The following RBM20 variants were observed in gnomAD, a reference collection of about 807,000 sequenced individuals.
RBM20 encodes the protein RNA-binding protein 20.
Under a neutral mutation model 110.1 loss-of-function variants are expected in RBM20, and 51 were observed. The observed-to-expected ratio is 0.46, with a 90% confidence interval of 0.37 to 0.59. The LOEUF (loss-of-function observed/expected upper bound fraction) is 0.59, where lower values mean the gene tolerates loss of function less well. RBM20 is among the 20% of genes least tolerant of loss of function. RBM20 has a pLI of 0.00. For missense variants in RBM20, 1,512 were observed against 1,574.9 expected, an observed-to-expected ratio of 0.96 and a Z score of 0.68; for synonymous variants, 589 against 618.2, an observed-to-expected ratio of 0.95 and a Z score of 0.70.
upstream of RBM20, among the ~76,000 whole-genome samples, chr10:110,643,674 C>G (rs913937236): frequency 6.6e-6 from 1 of 152,230 alleles, no homozygotes; most frequent in African/African-American, 2.4e-5. Flanking sequence ...CCCACGGTGG[C>G]CCCACCGGCT....
chr10:110,686,856 C>T (rs894570007), intron 1 of RBM20, among the ~76,000 whole-genome samples: 6 of 151,536 alleles, frequency 4.0e-5, no homozygotes, highest in Non-Finnish European at 5.9e-5. Context: ...CTGACCAACA[C>T]GGTGAAACCC....
intron 1 of RBM20, among the ~76,000 whole-genome samples, chr10:110,693,105 T>C (rs972022872): frequency 4.6e-5 from 7 of 152,220 alleles, no homozygotes; most frequent in African/African-American, 1.7e-4. Flanking sequence ...ATTCTGTGAA[T>C]GAATCCCACT....
rs1390413428 is a variant in RBM20, at chr10:110,813,193, C to T, written c.2550+246C>T. Among the ~76,000 whole-genome samples, 7 of 152,148 alleles carry T rather than the reference C, an allele frequency of 4.6e-5. No individual in the cohort carries two copies. The highest frequency in any genetic ancestry group is 7.4e-5 in the Non-Finnish European group (5 of 68,026). ...AGGAGACTGAGGCACAGAGAACTTACGTTATTTGTCCAAGAACACACGGTC... is the reference window on the plus strand; with the variant it reads ...AGGAGACTGAGGCACAGAGAACTTATGTTATTTGTCCAAGAACACACGGTC... On this transcript the variant is annotated intron_variant, in intron 9 of 13. Coordinates refer to ENST00000369519, the MANE Select transcript of RBM20 (RefSeq NM_001134363.3).
At chr10:110,835,743 G>C (rs1845117636) in intron 13 of RBM20, 125 bp from the exon 14 acceptor site, 1 of 907,452 alleles carries the variant, frequency 1.1e-6, no homozygotes, top group African/African-American at 1.7e-5. Context: ...ACCAGGAAAA[G>C]GGTAACCCCC....
chr10:110,654,373 A>T (rs1279802233), intron 1 of RBM20, among the ~76,000 whole-genome samples: 1 of 152,172 alleles, frequency 6.6e-6, no homozygotes, highest in Non-Finnish European at 1.5e-5. Context: ...GCTACTTCCC[A>T]TTTAACTCTA....
chr10:110,828,886 C>A (rs1233853252), intron 12 of RBM20, among the ~76,000 whole-genome samples: 2 of 152,060 alleles, frequency 1.3e-5, no homozygotes, highest in South Asian at 2.1e-4. Context: ...CAAGTGAAAT[C>A]GGTTCCAGAA....
intron 1 of RBM20, among the ~76,000 whole-genome samples, chr10:110,746,267 T>G (rs1843779154): frequency 6.6e-6 from 1 of 152,240 alleles, no homozygotes; most frequent in African/African-American, 2.4e-5. Flanking sequence ...CATCTCTTCC[T>G]GTGCATTCTG....
At chr10:110,752,943 A>ATTTT (rs1475212776) in intron 1 of RBM20, among the ~76,000 whole-genome samples, 7 of 95,070 alleles carry the variant, frequency 7.4e-5, no homozygotes, top group Non-Finnish European at 1.2e-4. Flanking sequence ...ATATATATAT[A>ATTTT]TATTTTTTTT....
chr10:110,745,610 C>T (rs1843770697), intron 1 of RBM20, among the ~76,000 whole-genome samples: 1 of 152,024 alleles, frequency 6.6e-6, no homozygotes, highest in African/African-American at 2.4e-5. Flanking sequence ...GGAGTGGTCA[C>T]TCAGCATTTG....
At chr10:110,832,846 C>A (rs993940860) in intron 13 of RBM20, among the ~76,000 whole-genome samples, 3 of 152,230 alleles carry the variant, frequency 2.0e-5, no homozygotes, top group African/African-American at 7.2e-5. Context: ...GAGGCAGCCA[C>A]AGCACCTGTG....
intron 1 of RBM20, among the ~76,000 whole-genome samples, chr10:110,744,626 C>G (rs1843757634): frequency 6.6e-6 from 1 of 152,124 alleles, no homozygotes; most frequent in Non-Finnish European, 1.5e-5. Flanking sequence ...AACAAGCCCT[C>G]CAGGTGTGTC....
At chr10:110,802,358 C>T (rs1009958642) in intron 7 of RBM20, among the ~76,000 whole-genome samples, 2 of 148,940 alleles carry the variant, frequency 1.3e-5, no homozygotes, top group Non-Finnish European at 3.0e-5. Flanking sequence ...CCTTTACTAA[C>T]AGTTCTCCTT....
chr10:110,745,406 C>T (rs954847417), intron 1 of RBM20, among the ~76,000 whole-genome samples: 1 of 152,194 alleles, frequency 6.6e-6, no homozygotes, highest in African/African-American at 2.4e-5. Context: ...TTCTCCCCCT[C>T]CTCTGTGGCT....
chr10:110,761,972 C>T (rs1203520497), intron 1 of RBM20, among the ~76,000 whole-genome samples: 1 of 152,142 alleles, frequency 6.6e-6, no homozygotes, highest in Non-Finnish European at 1.5e-5. Context: ...TTTGGGAGGT[C>T]GAGGCCTGCG....
In RBM20 at chr10:110,836,952, G is replaced by A. The variant is rs746840672; in HGVS notation, c.*974G>A. The A allele has an allele frequency of 5.3e-5, 8 of 152,286 alleles. No individual in the cohort carries two copies. Among genetic ancestry groups the A allele is most frequent in the Non-Finnish European group, 8.8e-5 (6 of 68,076 alleles). 9.4% of individuals were successfully genotyped at this position (152,286 alleles called of 1,614,324 possible). ...ACAGCTCCAGGCTGTGGAAAACAGA[G>A]TTGTCTTGGGGGTTAAATGAGCTTA... On this transcript the variant is annotated 3_prime_UTR_variant, in exon 14 of 14. Coordinates refer to ENST00000369519, the MANE Select transcript of RBM20 (RefSeq NM_001134363.3).
chr10:110,807,281 A>G (rs1036963474), intron 7 of RBM20, among the ~76,000 whole-genome samples: 3 of 152,164 alleles, frequency 2.0e-5, no homozygotes, highest in African/African-American at 7.2e-5. Context: ...AAGTAACTCC[A>G]GGAGGTATGG....
At chr10:110,654,718 A>G (rs941603725) in intron 1 of RBM20, among the ~76,000 whole-genome samples, 17 of 152,106 alleles carry the variant, frequency 1.1e-4, no homozygotes, top group African/African-American at 4.1e-4. Context: ...CATACACAAA[A>G]TATGTATGGG....
chr10:110,777,632 C>T (rs1043920896), intron 1 of RBM20, among the ~76,000 whole-genome samples: 1 of 152,142 alleles, frequency 6.6e-6, no homozygotes, highest in African/African-American at 2.4e-5. Context: ...GTAACCTGGG[C>T]CATACTCTGA....
At chr10:110,731,321 G>A (rs1843619226) in intron 1 of RBM20, among the ~76,000 whole-genome samples, 1 of 152,164 alleles carries the variant, frequency 6.6e-6, no homozygotes, top group African/African-American at 2.4e-5. Context: ...CTTTCCTTGA[G>A]AGAATGAAAC....
Sources: allele counts gnomAD v4.1 joint callset (sites outside exome capture counted in the v4.1 genomes callset), GRCh38; gene constraint gnomAD v4.1.1; transcripts MANE v1.5; gene names NCBI Gene and HGNC (gene_info 2026-07-23, HGNC 2026-07-21).